HNRNPC: variants seen among roughly 807,000 people sequenced by gnomAD.
HNRNPC encodes heterogeneous nuclear ribonucleoproteins C1/C2.
In HNRNPC, 3 loss-of-function variants were observed where a neutral mutation model predicts 33.2. That is an observed-to-expected ratio of 0.09 (90% CI 0.04 to 0.23). The LOEUF (loss-of-function observed/expected upper bound fraction) is 0.23, where lower values mean the gene tolerates loss of function less well. Ranked by LOEUF, HNRNPC falls within the 10% of genes least tolerant of loss-of-function variation. The pLI is 1.00. For synonymous variants in HNRNPC, 121 were observed against 126.7 expected (o/e 0.96, Z 0.30); for missense variants, 143 against 366.7 (o/e 0.39, Z 4.98).
At chr14:21,232,555 A>G (rs1894232074) in intron 3 of HNRNPC, among the ~76,000 whole-genome samples, 1 of 152,014 alleles carries the variant, frequency 6.6e-6, no homozygotes, top group Non-Finnish European at 1.5e-5. Flanking sequence ...TTTAATAGAG[A>G]TGGCTTTTCA....
intron 2 of HNRNPC, among the ~76,000 whole-genome samples, chr14:21,246,104 G>A (rs1054229658): frequency 3.9e-5 from 6 of 152,070 alleles, no homozygotes; most frequent in East Asian, 3.9e-4. Flanking sequence ...GATTACAGGC[G>A]TGAACCACCA....
intron 2 of HNRNPC, among the ~76,000 whole-genome samples, chr14:21,236,635 A>G (rs551258953): frequency 6.6e-6 from 1 of 152,340 alleles, no homozygotes; most frequent in East Asian, 1.9e-4. Context: ...TGGAAGAGGT[A>G]CATTTCCTGA....
chr14:21,232,976 A>G (rs1201170283), intron 3 of HNRNPC, among the ~76,000 whole-genome samples: 1 of 152,074 alleles, frequency 6.6e-6, no homozygotes, highest in Non-Finnish European at 1.5e-5. Flanking sequence ...GGCTGAGGTT[A>G]CAATTAGCCA....
chr14:21,253,795 G>T (rs1367475395), intron 2 of HNRNPC, among the ~76,000 whole-genome samples: 3 of 152,118 alleles, frequency 2.0e-5, no homozygotes, highest in Non-Finnish European at 2.9e-5. Context: ...GCCAGGCGCG[G>T]TGGCTCAGGC....
chr14:21,216,120 CAA>C lies in HNRNPC; in HGVS notation c.366-3005_366-3004del, dbSNP rs370660995. ...TAAAAACTTTTGTCTCCTCCACCAC[CAA>C]AAAAAAAAAAAAAAAAAAAGACAAA... On this transcript the variant is annotated intron_variant, in intron 5 of 8. Coordinates refer to ENST00000553300, the MANE Select transcript of HNRNPC (RefSeq NM_004500.4). 3.4e-3 allele frequency among the ~76,000 whole-genome samples: 303 copies of C among 87,826 alleles called. 1 individual carries two copies. The highest frequency in any genetic ancestry group is 0.013 in the African/African-American group (288 of 22,482). 57.6% of individuals were successfully genotyped at this position (87,826 alleles called of 152,430 possible). A position where few individuals can be genotyped will look rare whatever the true frequency, so the allele number is the denominator to read the frequency against.
chr14:21,265,058 C>T (rs948638684), intron 1 of HNRNPC: 2 of 152,040 alleles, frequency 1.3e-5, no homozygotes, highest in Non-Finnish European at 2.9e-5. Context: ...TTCCTTGAGC[C>T]AACTATACAT....
intron 2 of HNRNPC, among the ~76,000 whole-genome samples, chr14:21,254,837 C>T (rs1245268673): frequency 1.4e-5 from 2 of 148,050 alleles, no homozygotes; most frequent in African/African-American, 2.6e-5. Context: ...ATCCGGGAGG[C>T]GGAGGTTGCG....
Position 21,230,430 on chromosome 14 carries a change from G to A in HNRNPC, c.318-64C>T, listed in dbSNP as rs536897519. 3.3e-6 allele frequency: 4 copies of A among 1,202,652 alleles called. No individual in the cohort carries two copies. In the African/African-American group the frequency reaches 4.5e-5, roughly 14 times the overall value. The allele number at this position is 1,202,652 out of a possible 1,614,324, so 74.5% of individuals were successfully genotyped here. A position where few individuals can be genotyped will look rare whatever the true frequency, so the allele number is the denominator to read the frequency against. ...TTTCTACTAATTCACAATGTCAGGT[G>A]AGGGGAGAACCATGCCAAATAAACC... On this transcript the variant is annotated intron_variant, in intron 4 of 8. Coordinates refer to ENST00000553300, the MANE Select transcript of HNRNPC (RefSeq NM_004500.4).
At chr14:21,253,901 C>CA (rs990174454) in intron 2 of HNRNPC, among the ~76,000 whole-genome samples, 398 of 150,054 alleles carry the variant, frequency 2.7e-3, no homozygotes, top group African/African-American at 8.6e-3. Flanking sequence ...CCGTCTCTAC[C>CA]AAAAAAAAAT....
intron 2 of HNRNPC, among the ~76,000 whole-genome samples, chr14:21,236,752 CAAAG>C (rs1409514940): frequency 6.6e-6 from 1 of 152,096 alleles, no homozygotes; most frequent in African/African-American, 2.4e-5. Context: ...TACTGTAACA[CAAAG>C]AAACTACTGG....
intron 2 of HNRNPC, among the ~76,000 whole-genome samples, chr14:21,261,059 G>GC (rs1878159495): frequency 6.6e-6 from 1 of 151,774 alleles, no homozygotes; most frequent in South Asian, 2.1e-4. Context: ...CAAATCCTGG[G>GC]CCAAGGGACC....
chr14:21,238,520 T>C (rs577461126), intron 2 of HNRNPC, among the ~76,000 whole-genome samples: 1 of 152,294 alleles, frequency 6.6e-6, no homozygotes, highest in Non-Finnish European at 1.5e-5. Flanking sequence ...GGGATTTCTG[T>C]AGGAAAAACT....
intron 1 of HNRNPC, among the ~76,000 whole-genome samples, chr14:21,267,455 CTA>C (rs2139081848): frequency 6.6e-6 from 1 of 152,296 alleles, no homozygotes; most frequent in Admixed American, 6.5e-5. Context: ...GTCAAATCCT[CTA>C]GAGATTTAAT....
intron 2 of HNRNPC, among the ~76,000 whole-genome samples, chr14:21,246,881 T>C (rs956530413): frequency 2.0e-5 from 3 of 152,230 alleles, no homozygotes; most frequent in Non-Finnish European, 4.4e-5. Context: ...TACTTCTACT[T>C]AACAAAGTCA....
chr14:21,260,736 G>T (rs1357262158), intron 2 of HNRNPC, among the ~76,000 whole-genome samples: 2 of 151,930 alleles, frequency 1.3e-5, no homozygotes, highest in African/African-American at 4.8e-5. Context: ...AGGCCGAGGC[G>T]GGCAGACCAT....
Position 21,217,629 on chromosome 14 carries a change from A to T in HNRNPC, c.366-4512T>A, listed in dbSNP as rs570539940. Among the ~76,000 whole-genome samples, 25 of 152,320 alleles carry T rather than the reference A, an allele frequency of 1.6e-4. No homozygotes were observed. In the South Asian group the frequency reaches 5.2e-3, roughly 32 times the overall value. On this transcript the variant is annotated intron_variant, in intron 5 of 8. Coordinates refer to ENST00000553300, the MANE Select transcript of HNRNPC (RefSeq NM_004500.4). ...CTACTACCAAAGAATAGGTAGCAAT[A>T]GCTCCTATACTGAGCCAATGGCATC...
intron 2 of HNRNPC, among the ~76,000 whole-genome samples, chr14:21,241,349 C>T (rs1287263893): frequency 6.6e-6 from 1 of 150,932 alleles, no homozygotes; most frequent in Admixed American, 6.6e-5. Flanking sequence ...ATTCTATATA[C>T]TAAATATGCT....
intron 3 of HNRNPC, among the ~76,000 whole-genome samples, chr14:21,233,576 A>AAC (rs1894348350): frequency 6.6e-6 from 1 of 152,206 alleles, no homozygotes; most frequent in African/African-American, 2.4e-5. Context: ...CACTGAGCCA[A>AAC]ACTGCAGTCG....
At chr14:21,236,379 G>A (rs1226659034) in intron 2 of HNRNPC, 3 of 152,104 alleles carry the variant, frequency 2.0e-5, no homozygotes, top group African/African-American at 2.4e-5. Flanking sequence ...TTACTATGAG[G>A]ACTTAAATTC....
Sources: allele counts gnomAD v4.1 joint callset (sites outside exome capture counted in the v4.1 genomes callset), GRCh38; gene constraint gnomAD v4.1.1; transcripts MANE v1.5; gene names NCBI Gene and HGNC (gene_info 2026-07-23, HGNC 2026-07-21).